The following SLC4A11 variants were observed in gnomAD, a reference collection of about 807,000 sequenced individuals.
The protein encoded by SLC4A11 is solute carrier family 4 member 11.
In SLC4A11, 74 loss-of-function variants were observed where a neutral mutation model predicts 95.0. The observed-to-expected ratio is 0.78, with a 90% confidence interval of 0.65 to 0.95. SLC4A11 has a LOEUF of 0.95. Ranked by LOEUF, SLC4A11 falls within the 40% of genes least tolerant of loss-of-function variation. SLC4A11 has a pLI of 0.00. For synonymous variants in SLC4A11, 548 were observed against 519.0 expected (o/e 1.06, Z -0.76); for missense variants, 1,081 against 1,192.4 (o/e 0.91, Z 1.38).
upstream of SLC4A11, chr20:3,239,389 G>T (rs2068086202): frequency 9.1e-7 from 1 of 1,102,778 alleles, no homozygotes; most frequent in Non-Finnish European, 1.1e-6. Context: ...GCTCCCCGCC[G>T]CCCGCAGCTG....
In SLC4A11 at chr20:3,231,598, C is replaced by T. The variant is rs369003398; in HGVS notation, c.730-50G>A. On this transcript the variant is annotated intron_variant, in intron 7 of 19. Transcript: ENST00000642402. The surrounding 1 kb of genome is among the most constrained non-coding windows in gnomAD (Gnocchi z 5.2). ...CCCTAGAAACAGAGGAGGCCCTGCC[C>T]GGGCCGAGCAGGTGAAGGTGCTCTC... is the stretch of plus-strand genomic sequence containing the variant. 1.6e-3 allele frequency: 2,437 copies of T among 1,571,676 alleles called. 3 individuals carry two copies. The highest frequency in any genetic ancestry group is 1.6e-3 in the Non-Finnish European group (1,821 of 1,146,670).
Position 3,237,661 on chromosome 20 carries a change from G to A in SLC4A11, c.44-73C>T, listed in dbSNP as rs200343026. On this transcript the variant is annotated intron_variant, in intron 1 of 19. Coordinates refer to ENST00000642402, the MANE Select transcript of SLC4A11 (RefSeq NM_001174089.2). The stretch of plus-strand genomic sequence containing the variant: ...ACCTCCTGTGTGCACCTGTCTCCCC[G>A]CCCCCCGACCTGGCTCATTCCTTCG... The A allele has an allele frequency of 2.1e-4, 339 of 1,613,922 alleles. 5 individuals are homozygous for A. The highest frequency in any genetic ancestry group is 1.7e-3 in the Admixed American group (103 of 60,016).
Position 3,227,660 on chromosome 20 carries a change from T to A in SLC4A11, c.*127A>T. ...CTACAATGCCCAGATGCCCCAGGCC[T>A]GAGTCAGCCATGAGAAGGCGCAGCA... On this transcript the variant is annotated 3_prime_UTR_variant, in exon 20 of 20. Coordinates refer to ENST00000642402, the MANE Select transcript of SLC4A11 (RefSeq NM_001174089.2). 1.0e-6 allele frequency: 1 copy of A among 978,260 alleles called. No individual in the cohort carries two copies. Among genetic ancestry groups the A allele is most frequent in the Non-Finnish European group, 1.6e-6 (1 of 637,442 alleles). The allele number at this position is 978,260 out of a possible 1,614,324, so 60.6% of individuals were successfully genotyped here.
At position 3,234,421 on chromosome 20, in the gene SLC4A11, G is replaced by A. The variant is rs2067899093; in HGVS notation, c.292-107C>T. The A allele has an allele frequency of 6.7e-7, 1 of 1,503,320 alleles. No individual in the cohort carries two copies. The highest frequency in any genetic ancestry group is 1.4e-5 in the African/African-American group (1 of 72,602). 93.1% of individuals were successfully genotyped at this position (1,503,320 alleles called of 1,614,324 possible). ...GCAGCAGTCCAGCCCCCAGCCCCCA[G>A]CCCCCAGCCCTGGGCTGGTGCGAGC... On this transcript the variant is annotated intron_variant, in intron 4 of 19. Transcript: ENST00000642402. The surrounding 1 kb of genome is among the most constrained non-coding windows in gnomAD (Gnocchi z 5.8).
rs62208071 is a variant in SLC4A11, at chr20:3,235,319, A to T, written c.89-425T>A. 2.7e-3 allele frequency among the ~76,000 whole-genome samples: 238 copies of T among 89,252 alleles called. No homozygotes were observed. The East Asian group carries it at 0.036, about 13-fold the overall frequency. 58.6% of individuals were successfully genotyped at this position (89,252 alleles called of 152,430 possible). A position where few individuals can be genotyped will look rare whatever the true frequency, so the allele number is the denominator to read the frequency against. ...CTCTCTCTCTCTCTCTCACACACAC[A>T]CACACACACACACACACACACACAC... is the stretch of plus-strand genomic sequence containing the variant. On this transcript the variant is annotated intron_variant, in intron 2 of 19. Coordinates refer to ENST00000642402, the MANE Select transcript of SLC4A11 (RefSeq NM_001174089.2).
intron 1 of SLC4A11, chr20:3,237,852 G>A: frequency 2.6e-6 from 4 of 1,552,410 alleles, no homozygotes; most frequent in Non-Finnish European, 3.5e-6. Context: ...GAGGAGGAGA[G>A]ACGTTCCAGG....
At chr20:3,238,432 G>A (rs1021708515) in intron 1 of SLC4A11, 2 of 1,039,610 alleles carry the variant, frequency 1.9e-6, no homozygotes, top group Non-Finnish European at 2.3e-6. Context: ...GAAGTGGGGG[G>A]CGGGGGCGCT....
At position 3,238,633 on chromosome 20, in the gene SLC4A11, G is replaced by T. The variant is rs532754770; in HGVS notation, c.43+462C>A. The T allele has an allele frequency of 2.9e-3, 2,851 of 993,778 alleles. 5 individuals carry two copies. The highest frequency in any genetic ancestry group is 3.6e-3 in the Admixed American group (60 of 16,498). The allele number at this position is 993,778 out of a possible 1,614,324, so 61.6% of individuals were successfully genotyped here. The stretch of plus-strand genomic sequence containing the variant: ...GCGGCCGCGCAGGGCACGGTCAGGG[G>T]TCCCGGGACTCCCAAAACTCCAGGG... On this transcript the variant is annotated intron_variant, in intron 1 of 19. Coordinates refer to ENST00000642402, the MANE Select transcript of SLC4A11 (RefSeq NM_001174089.2).
At chr20:3,236,429 A>G (rs1228155562) in intron 2 of SLC4A11, among the ~76,000 whole-genome samples, 1 of 152,192 alleles carries the variant, frequency 6.6e-6, no homozygotes, top group Non-Finnish European at 1.5e-5. Flanking sequence ...TACTAAAAAT[A>G]CAAAAAGAAA....
In SLC4A11 at chr20:3,234,545, C is replaced by T; in HGVS notation, c.291+23G>A. ...AGCCCCCAGGTAGAGGCCCCAGGAC[C>T]ACCTGCAGGACAGGCCATTCACCTT... On this transcript the variant is annotated intron_variant, in intron 4 of 19. Coordinates refer to ENST00000642402, the MANE Select transcript of SLC4A11 (RefSeq NM_001174089.2). This position sits in a 1 kb window ranked among gnomAD's most constrained non-coding sequence, Gnocchi z 5.8. 6.2e-7 allele frequency: 1 copy of T among 1,613,706 alleles called. No homozygotes were observed. Among genetic ancestry groups the T allele is most frequent in the Non-Finnish European group, 8.5e-7 (1 of 1,179,988 alleles).
At chr20:3,238,934 G>A in intron 1 of SLC4A11, 161 bp downstream of exon 1, 1 of 1,258,280 alleles carries the variant, frequency 7.9e-7, no homozygotes, top group Non-Finnish European at 1.0e-6. Flanking sequence ...TCCCGCACCC[G>A]CGCCCTCCTC....
chr20:3,229,720 A>C lies in SLC4A11; in HGVS notation c.1546T>G (p.Ser516Ala), dbSNP rs2122526763. The C allele has an allele frequency of 6.2e-7, 1 of 1,613,978 alleles. No homozygotes were observed. The highest frequency in any genetic ancestry group is 2.2e-5 in the East Asian group (1 of 44,886). Residue 516 changes from serine to alanine, a missense_variant, in exon 14 of 20, where the codon TCA (serine) becomes GCA (alanine). By Grantham distance (99) the Ser-to-Ala change is moderately conservative. Around this residue, in one of 3 missense-constraint regions of SLC4A11, gnomAD observed 767 missense variants for 858.0 expected, o/e 0.89. Transcript: ENST00000642402. ...YLDDYHTKRT[S>A]SLVSLSGLGA... The stretch of plus-strand genomic sequence containing the variant: ...AGGCCTGACAGGCTGACAAGGGATG[A>C]AGTCCTTTTTGTGTGATAGTCGTCC...
At chr20:3,233,866 G>T in intron 6 of SLC4A11, 55 bp downstream of exon 6, 1 of 1,594,358 alleles carries the variant, frequency 6.3e-7, no homozygotes. Context: ...CAGGGGACAT[G>T]GGACACCCAG....
chr20:3,229,030 C>T lies in SLC4A11; in HGVS notation c.2019-19G>A, dbSNP rs370775547. The T allele has an allele frequency of 1.0e-4, 166 of 1,609,840 alleles. No individual in the cohort carries two copies. In the African/African-American group the frequency reaches 1.2e-3, roughly 12 times the overall value. ...CACCAGCCTGCAGCAGACGGGCACT[C>T]GTGGACAGAGCCCCACAGCAGAGGC... On this transcript the variant is annotated intron_variant, in intron 16 of 19. Coordinates refer to ENST00000642402, the MANE Select transcript of SLC4A11 (RefSeq NM_001174089.2).
chr20:3,230,474 A>C (rs370608952), intron 12 of SLC4A11, 41 bp downstream of exon 12: 1 of 1,613,062 alleles, frequency 6.2e-7, no homozygotes, highest in African/African-American at 1.3e-5. Flanking sequence ...ACCAGATCCC[A>C]AGCCTTGAGG....
intron 7 of SLC4A11, among the ~76,000 whole-genome samples, chr20:3,233,072 C>G (rs1182875218): frequency 6.6e-6 from 1 of 152,190 alleles, no homozygotes; most frequent in Non-Finnish European, 1.5e-5. Context: ...TGGCAATCAT[C>G]TGTTGAGACT....
intron 1 of SLC4A11, 89 bp downstream of exon 1, chr20:3,239,006 C>T (rs953981855): frequency 3.0e-5 from 42 of 1,411,884 alleles, no homozygotes; most frequent in Non-Finnish European, 1.9e-5. Flanking sequence ...AGGCAGACGG[C>T]ATCCGCGTTC....
chr20:3,229,905 A>T, intron 13 of SLC4A11, 129 bp from the exon 14 acceptor site: 1 of 1,313,182 alleles, frequency 7.6e-7, no homozygotes, highest in East Asian at 2.3e-5. Flanking sequence ...GTGCCCATGC[A>T]CCCACACTCC....
At position 3,230,210 on chromosome 20, in the gene SLC4A11, T is replaced by C; in HGVS notation, c.1466A>G (p.Asp489Gly). The C allele has an allele frequency of 6.2e-7, 1 of 1,613,556 alleles. No individual in the cohort carries two copies. The highest frequency in any genetic ancestry group is 8.5e-7 in the Non-Finnish European group (1 of 1,180,006). The change falls in exon 13 of 20, where the codon GAT (aspartate) becomes GGT (glycine). Residue 489 changes from aspartate (D) to glycine (G), a missense_variant. Around this residue, in one of 3 missense-constraint regions of SLC4A11, gnomAD observed 767 missense variants for 858.0 expected, o/e 0.89. Transcript: ENST00000642402. ...ACTTTTAACCGTGCCCTTGACGGCA[T>C]CCAGCACAAACGTGATGGAAATGAA... ...ALFISITFVL[D>G]AVKGTVKIFW...
Sources: gnomAD v4.1 joint callset for allele counts (sites outside exome capture counted in the v4.1 genomes callset) on GRCh38, gnomAD v4.1.1 for gene constraint, gnomAD v4.1.1 regional missense constraint, Gnocchi (gnomAD v3.1) non-coding constraint, MANE v1.5 for transcripts, NCBI Gene and HGNC (gene_info 2026-07-23, HGNC 2026-07-21) for gene names.